Variants in DENND1A observed in about 807,000 individuals in gnomAD.
DENND1A encodes DENN domain containing 1A.
In DENND1A, 51 loss-of-function variants were observed where a neutral mutation model predicts 113.7. The ratio of observed to expected loss-of-function variants is 0.45; its 90% CI spans 0.36 to 0.57. The LOEUF (loss-of-function observed/expected upper bound fraction) is 0.57. Among genes scored for constraint, DENND1A ranks in the 20% least tolerant of loss-of-function variants. The pLI, the probability that DENND1A is intolerant of heterozygous loss-of-function variation, is 0.00. For synonymous variants in DENND1A, 565 were observed against 570.8 expected (o/e 0.99, Z 0.14); for missense variants, 1,258 against 1,395.9 (o/e 0.90, Z 1.57).
intron 2 of DENND1A, among the ~76,000 whole-genome samples, chr9:123,873,729 G>A (rs1847005882): frequency 6.6e-6 from 1 of 151,644 alleles, no homozygotes; most frequent in Non-Finnish European, 1.5e-5. Context: ...GATGTAAAAG[G>A]CAAAATTATC....
rs555001811 is a variant in DENND1A, at chr9:123,851,941, A to G, written c.88+27010T>C. Among the ~76,000 whole-genome samples the G allele has an allele frequency of 1.2e-4, 19 of 152,302 alleles. No homozygotes were observed. In the South Asian group the frequency reaches 3.7e-3, roughly 30 times the overall value. On this transcript the variant is annotated intron_variant, in intron 2 of 23. Transcript: ENST00000394215. ...CAGAATCCAAAAGCCCAGAAGGTAG[A>G]ACTAAGAGCCATGGTGAGCCACTCT...
At chr9:123,483,733 G>C (rs866541713) in intron 13 of DENND1A, among the ~76,000 whole-genome samples, 36 of 152,344 alleles carry the variant, frequency 2.4e-4, no homozygotes, top group African/African-American at 6.0e-4. Context: ...TGACTGTGGG[G>C]AAGTCTTTAG....
rs750988785 is a variant in DENND1A at position 123,382,169 on chromosome 9, G to A, written c.2476C>T (p.Leu826Phe). The stretch of plus-strand genomic sequence containing the variant: ...CCGGGGCCAGGGCTGAGCGGCTGGA[G>A]CAGTTCAGTGGGGCCTTGGGGGACA... ...GVVPQGPTEL[L>F]QPLSPGPGAA... Residue 826 changes from leucine (L) to phenylalanine (F), a missense_variant, in exon 24 of 24, where the codon CTC (leucine) becomes TTC (phenylalanine). Physicochemically the swap from Leu to Phe is conservative, Grantham distance 22 (BLOSUM62 0). Transcript: ENST00000394215. 8.7e-6 allele frequency: 14 copies of A among 1,608,688 alleles called. No homozygotes were observed. In the Admixed American group the frequency reaches 2.3e-4, roughly 27 times the overall value.
intron 13 of DENND1A, among the ~76,000 whole-genome samples, chr9:123,484,872 C>T (rs2050660325): frequency 1.3e-5 from 2 of 152,200 alleles, no homozygotes; most frequent in Admixed American, 1.3e-4. Context: ...CCACTCTCCT[C>T]ACACCCTCCC....
chr9:123,799,126 T>C (rs1327251632), intron 2 of DENND1A, among the ~76,000 whole-genome samples: 1 of 152,218 alleles, frequency 6.6e-6, no homozygotes, highest in Non-Finnish European at 1.5e-5. Context: ...AGATGTATCA[T>C]ATGTGTCAAA....
chr9:123,823,397 C>A (rs551713813), intron 2 of DENND1A, among the ~76,000 whole-genome samples: 2 of 151,944 alleles, frequency 1.3e-5, no homozygotes, highest in East Asian at 1.9e-4. Context: ...GGAAGGAATG[C>A]GGGTCAAAAG....
At chr9:123,810,295 T>C (rs556663293) in intron 2 of DENND1A, among the ~76,000 whole-genome samples, 1 of 152,246 alleles carries the variant, frequency 6.6e-6, no homozygotes, top group East Asian at 1.9e-4. Context: ...CCTCAGGCTG[T>C]CTCTTGCGCC....
rs1857775242 is a variant in DENND1A at position 123,930,083 on chromosome 9, G to A, written c.-178C>T. The stretch of plus-strand genomic sequence containing the variant: ...GCCGCCGCCGCCTCCAGGGGTTAAT[G>A]TACTCGCTCCAGCCCGGCGAACGCC... On this transcript the variant is annotated 5_prime_UTR_variant, in exon 1 of 24. Transcript: ENST00000394215. 1 of 204,764 alleles carries A rather than the reference G, an allele frequency of 4.9e-6. No homozygotes were observed. The allele number at this position is 204,764 out of a possible 1,614,324, so 12.7% of individuals were successfully genotyped here. A position where few individuals can be genotyped will look rare whatever the true frequency, so the allele number is the denominator to read the frequency against.
intron 13 of DENND1A, among the ~76,000 whole-genome samples, chr9:123,531,101 T>A (rs1276963317): frequency 6.6e-6 from 1 of 152,190 alleles, no homozygotes; most frequent in African/African-American, 2.4e-5. Flanking sequence ...TTTCCATATA[T>A]GTGGGTCTAT....
chr9:123,610,155 C>T (rs1441766683), intron 10 of DENND1A, among the ~76,000 whole-genome samples: 1 of 152,202 alleles, frequency 6.6e-6, no homozygotes. Flanking sequence ...GGCATGAGAA[C>T]TAAACTCCAA....
chr9:123,418,418 A>G (rs182979630), intron 19 of DENND1A, among the ~76,000 whole-genome samples: 4 of 152,352 alleles, frequency 2.6e-5, no homozygotes, highest in Admixed American at 2.6e-4. Flanking sequence ...TGAGGACAGC[A>G]TCTGATTTGC....
At chr9:123,393,527 T>C (rs1239729762) in intron 21 of DENND1A, among the ~76,000 whole-genome samples, 3 of 146,904 alleles carry the variant, frequency 2.0e-5, no homozygotes, top group African/African-American at 5.0e-5. Flanking sequence ...CTAGACCGCA[T>C]CTTAAAAAAA....
chr9:123,474,771 T>G (rs2133486473), intron 13 of DENND1A, among the ~76,000 whole-genome samples: 1 of 152,334 alleles, frequency 6.6e-6, no homozygotes, highest in Non-Finnish European at 1.5e-5. Flanking sequence ...TTGTGAGAAG[T>G]AACTGGGGCA....
intron 13 of DENND1A, among the ~76,000 whole-genome samples, chr9:123,534,919 C>T (rs2055617944): frequency 6.6e-6 from 1 of 152,154 alleles, no homozygotes; most frequent in Admixed American, 6.5e-5. Flanking sequence ...CCTTCACTTG[C>T]TTTATAGTGA....
intron 13 of DENND1A, among the ~76,000 whole-genome samples, chr9:123,541,269 T>C (rs1323509910): frequency 6.6e-6 from 1 of 152,222 alleles, no homozygotes; most frequent in East Asian, 1.9e-4. Flanking sequence ...GATAATACTG[T>C]GTACATTTAA....
At chr9:123,618,825 G>C (rs2060790326) in intron 10 of DENND1A, among the ~76,000 whole-genome samples, 1 of 152,210 alleles carries the variant, frequency 6.6e-6, no homozygotes, top group South Asian at 2.1e-4. Flanking sequence ...GTGCCTTCCG[G>C]GGTGCCTCTA....
chr9:123,723,765 T>A (rs2067505936), intron 5 of DENND1A, among the ~76,000 whole-genome samples: 1 of 152,178 alleles, frequency 6.6e-6, no homozygotes, highest in Non-Finnish European at 1.5e-5. Flanking sequence ...CCTCTTTTAC[T>A]TCCCAGTCTC....
At position 123,381,669 on chromosome 9, in the gene DENND1A, G is replaced by A. The variant is rs1302981478; in HGVS notation, c.2976C>T (p.Ala992=). ...IRTLPLARSS[A]RAAETKQGLA... ...GCCCCTGCTTGGTCTCAGCAGCCCT[G>A]GCACTTGAGCGGGCCAGGGGCAACG... The change falls in exon 24 of 24, where the codon GCC becomes GCT. Residue 992 remains alanine (A), a synonymous_variant. Transcript: ENST00000394215. This position sits in a 1 kb window ranked among gnomAD's most constrained non-coding sequence, Gnocchi z 4.7. 1.9e-6 allele frequency: 3 copies of A among 1,597,864 alleles called. No individual in the cohort carries two copies. Among genetic ancestry groups the A allele is most frequent in the Non-Finnish European group, 2.6e-6 (3 of 1,172,478 alleles).
At chr9:123,428,095 G>A (rs1392490389) in intron 19 of DENND1A, among the ~76,000 whole-genome samples, 1 of 152,216 alleles carries the variant, frequency 6.6e-6, no homozygotes, top group Non-Finnish European at 1.5e-5. Context: ...CTTGAGCTCA[G>A]GAGTTCGAGA....
Sources: gnomAD v4.1 joint callset for allele counts (sites outside exome capture counted in the v4.1 genomes callset) on GRCh38, gnomAD v4.1.1 for gene constraint, Gnocchi (gnomAD v3.1) non-coding constraint, MANE v1.5 for transcripts, NCBI Gene and HGNC (gene_info 2026-07-23, HGNC 2026-07-21) for gene names.